Variants in AKAP19 observed in about 807,000 individuals in gnomAD.
AKAP19 encodes small A-kinase anchoring protein.
chr2:190,081,693 G>A, the AKAP19 span, among the ~76,000 whole-genome samples: 5 of 152,102 alleles, frequency 3.3e-5, no homozygotes, highest in African/African-American at 9.7e-5. Flanking sequence ...ATGGAAGGGC[G>A]AGATGCCTGC....
At chr2:189,901,323 A>C in the AKAP19 span, among the ~76,000 whole-genome samples, 1 of 151,854 alleles carries the variant, frequency 6.6e-6, no homozygotes, top group African/African-American at 2.4e-5. Context: ...GTAGATATTT[A>C]TGTTTTCTTG....
chr2:189,926,420 G>A, the AKAP19 span, among the ~76,000 whole-genome samples: 8 of 151,352 alleles, frequency 5.3e-5, no homozygotes, highest in East Asian at 9.7e-4. Flanking sequence ...TCAGCCTTCC[G>A]GGACTACAAG....
chr2:190,028,646 A>G, the AKAP19 span, among the ~76,000 whole-genome samples: 15 of 152,314 alleles, frequency 9.8e-5, no homozygotes, highest in South Asian at 3.1e-3. Flanking sequence ...ATATAAGTAT[A>G]CTTAGTAATT....
chr2:189,979,145 C>G, the AKAP19 span, among the ~76,000 whole-genome samples: 1 of 151,472 alleles, frequency 6.6e-6, no homozygotes, highest in South Asian at 2.1e-4. Flanking sequence ...GCAAAAAGAA[C>G]AAAGCTGGAG....
chr2:190,192,683 T>A, the AKAP19 span, among the ~76,000 whole-genome samples: 3 of 152,114 alleles, frequency 2.0e-5, no homozygotes, highest in Non-Finnish European at 4.4e-5. Context: ...CTTTACTTTT[T>A]CTCAGTAACA....
At chr2:190,143,701 G>T in the AKAP19 span, among the ~76,000 whole-genome samples, 2 of 151,780 alleles carry the variant, frequency 1.3e-5, no homozygotes, top group Non-Finnish European at 2.9e-5. Flanking sequence ...AAATCATGCT[G>T]CTATAAAGAC....
the AKAP19 span, among the ~76,000 whole-genome samples, chr2:190,081,218 C>T: frequency 4.2e-3 from 640 of 151,878 alleles, 9 homozygotes; most frequent in African/African-American, 0.015. Flanking sequence ...CCTCCCATCC[C>T]CCCATCCCCT....
At chr2:190,119,275 G>T in the AKAP19 span, among the ~76,000 whole-genome samples, 1 of 152,208 alleles carries the variant, frequency 6.6e-6, no homozygotes, top group Non-Finnish European at 1.5e-5. Flanking sequence ...GAGATAGAGC[G>T]AGGCGGGCTC....
the AKAP19 span, among the ~76,000 whole-genome samples, chr2:189,921,594 G>A: frequency 6.6e-6 from 1 of 152,262 alleles, no homozygotes; most frequent in East Asian, 1.9e-4. Flanking sequence ...GAGAATTATG[G>A]ATAGATTCCA....
chr2:190,126,995 G>A, the AKAP19 span, among the ~76,000 whole-genome samples: 1 of 152,064 alleles, frequency 6.6e-6, no homozygotes, highest in African/African-American at 2.4e-5. Flanking sequence ...GCATATTTCA[G>A]TACAGCTTCC....
the AKAP19 span, among the ~76,000 whole-genome samples, chr2:190,193,585 T>TATCA: frequency 6.6e-6 from 1 of 152,180 alleles, no homozygotes; most frequent in African/African-American, 2.4e-5. Flanking sequence ...GATGTAGGGC[T>TATCA]ATCATTTTTT....
At chr2:190,179,280 C>T in the AKAP19 span, among the ~76,000 whole-genome samples, 1,327 of 151,986 alleles carry the variant, frequency 8.7e-3, 15 homozygotes, top group African/African-American at 0.028. This position sits in a 1 kb window ranked among gnomAD's most constrained non-coding sequence, Gnocchi z 6.0. Flanking sequence ...TGGTGGCAGG[C>T]GCCTGTAATC....
chr2:190,058,656 A>G, the AKAP19 span, among the ~76,000 whole-genome samples: 1 of 151,996 alleles, frequency 6.6e-6, no homozygotes, highest in Non-Finnish European at 1.5e-5. Context: ...TATATACACC[A>G]TGGAATACTA....
At chr2:190,180,856 G>T in the AKAP19 span, 6 of 985,158 alleles carry the variant, frequency 6.1e-6, no homozygotes, top group Non-Finnish European at 6.0e-6. This position sits in a 1 kb window ranked among gnomAD's most constrained non-coding sequence, Gnocchi z 6.8. Flanking sequence ...AGGACGCCCC[G>T]TCCTCCACAT....
At chr2:189,886,666 G>T in the AKAP19 span, among the ~76,000 whole-genome samples, 3 of 152,266 alleles carry the variant, frequency 2.0e-5, no homozygotes, top group African/African-American at 7.2e-5. Flanking sequence ...GAAGAAAATG[G>T]CACTTGAGCT....
the AKAP19 span, chr2:190,057,024 CCTT>C: frequency 3.9e-6 from 2 of 514,356 alleles, no homozygotes; most frequent in Non-Finnish European, 3.5e-6. Context: ...AATTTGATCT[CCTT>C]CTAGCTCAAA....
the AKAP19 span, among the ~76,000 whole-genome samples, chr2:190,020,833 C>G: frequency 5.9e-5 from 9 of 152,258 alleles, no homozygotes; most frequent in South Asian, 1.2e-3. Flanking sequence ...CTAATTCTAT[C>G]TTTATGAATT....
the AKAP19 span, chr2:190,180,828 G>A: frequency 5.1e-6 from 5 of 985,266 alleles, no homozygotes; most frequent in South Asian, 1.9e-4. This position sits in a 1 kb window ranked among gnomAD's most constrained non-coding sequence, Gnocchi z 6.8. Context: ...GAGGGGCCGG[G>A]AGCCCGGGCG....
chr2:190,124,242 T>C, the AKAP19 span, among the ~76,000 whole-genome samples: 671 of 152,304 alleles, frequency 4.4e-3, 2 homozygotes, highest in African/African-American at 0.015. Context: ...CAACAACAGA[T>C]GTATGTTCTG....
Sources: allele counts gnomAD v4.1 joint callset (sites outside exome capture counted in the v4.1 genomes callset), GRCh38; gene constraint gnomAD v4.1.1; non-coding constraint Gnocchi (gnomAD v3.1); transcripts MANE v1.5; gene names NCBI Gene and HGNC (gene_info 2026-07-23, HGNC 2026-07-21).